Variants in TRIM5 observed in about 807,000 individuals in gnomAD.
TRIM5 encodes the protein tripartite motif-containing protein 5.
Under a neutral mutation model 35.6 loss-of-function variants are expected in TRIM5, and 31 were observed. The observed-to-expected ratio is 0.87, with a 90% CI of 0.65 to 1.18. The LOEUF (loss-of-function observed/expected upper bound fraction) is 1.18. Among genes scored for constraint, TRIM5 ranks in the 50% most tolerant of loss-of-function variants. The probability of loss-of-function intolerance (pLI) is 0.00; values close to 1 mark genes in which losing one functional copy is unlikely to be tolerated. For missense variants in TRIM5, 609 were observed against 591.6 expected (o/e 1.03, Z -0.31); for synonymous variants, 243 against 215.6 (o/e 1.13, Z -1.11).
intron 4 of TRIM5, among the ~76,000 whole-genome samples, chr11:5,676,119 G>A (rs1851961615): frequency 6.7e-6 from 1 of 148,774 alleles, no homozygotes; most frequent in Admixed American, 6.8e-5. Flanking sequence ...CATTTGGGTT[G>A]GTTCCAAGTC....
chr11:5,597,734 G>C, the TRIM5 span, among the ~76,000 whole-genome samples: 1 of 152,084 alleles, frequency 6.6e-6, no homozygotes, highest in African/African-American at 2.4e-5. Flanking sequence ...TATTCTGAAA[G>C]CCATTTTGAT....
the TRIM5 span, among the ~76,000 whole-genome samples, chr11:5,657,716 ATATAT>A: frequency 1.5e-5 from 2 of 132,552 alleles, no homozygotes; most frequent in Admixed American, 8.7e-5. Flanking sequence ...AAATATATAT[ATATAT>A]TATATTGTAT....
the TRIM5 span, among the ~76,000 whole-genome samples, chr11:5,602,224 A>G: frequency 6.6e-6 from 1 of 151,922 alleles, no homozygotes; most frequent in Admixed American, 6.5e-5. Flanking sequence ...GCGGATCATG[A>G]GGTCAGGAGA....
At chr11:5,590,635 G>T in the TRIM5 span, 1 of 152,094 alleles carries the variant, frequency 6.6e-6, no homozygotes, top group African/African-American at 2.4e-5. Flanking sequence ...CAGACCACTG[G>T]GCTCTACCAA....
intron 1 of TRIM5, among the ~76,000 whole-genome samples, chr11:5,682,977 C>A (rs529336820): frequency 6.6e-6 from 1 of 152,184 alleles, no homozygotes; most frequent in Non-Finnish European, 1.5e-5. Context: ...CGGGGCTGCG[C>A]GCCGCGCTTG....
chr11:5,632,568 G>C, the TRIM5 span: 5 of 1,613,870 alleles, frequency 3.1e-6, no homozygotes, highest in African/African-American at 5.3e-5. Context: ...ACATAGTGGA[G>C]AGACTCAAGG....
At chr11:5,634,516 CACACACACACACACAT>C in the TRIM5 span, 116 of 574,186 alleles carry the variant, frequency 2.0e-4, no homozygotes, top group Non-Finnish European at 2.5e-4. Flanking sequence ...CACACACACA[CACACACACACACACAT>C]ATATATATAT....
intron 4 of TRIM5, among the ~76,000 whole-genome samples, chr11:5,669,124 G>A (rs1480344379): frequency 1.4e-5 from 2 of 144,282 alleles, no homozygotes; most frequent in African/African-American, 5.3e-5. Flanking sequence ...TCGTTTCCCA[G>A]GCTGCAGTGC....
chr11:5,617,482 C>G, the TRIM5 span, among the ~76,000 whole-genome samples: 7 of 126,998 alleles, frequency 5.5e-5, no homozygotes, highest in African/African-American at 1.9e-4. Context: ...TATATGGACT[C>G]AATCTTTTTT....
the TRIM5 span, chr11:5,619,688 A>ATTTTTTT: frequency 9.8e-4 from 65 of 66,028 alleles, no homozygotes; most frequent in African/African-American, 1.7e-3. Context: ...CCTGTTTTAA[A>ATTTTTTT]TTTTTTTTTT....
chr11:5,639,810 C>T, the TRIM5 span, among the ~76,000 whole-genome samples: 1 of 149,500 alleles, frequency 6.7e-6, no homozygotes, highest in African/African-American at 2.5e-5. Flanking sequence ...TATTTTCTTT[C>T]CAATATAGAA....
At chr11:5,640,767 A>G in the TRIM5 span, among the ~76,000 whole-genome samples, 1 of 152,164 alleles carries the variant, frequency 6.6e-6, no homozygotes, top group Non-Finnish European at 1.5e-5. Flanking sequence ...CAGTGAAGCC[A>G]TCTGGGTGAG....
At chr11:5,598,003 C>G in the TRIM5 span, among the ~76,000 whole-genome samples, 1 of 152,198 alleles carries the variant, frequency 6.6e-6, no homozygotes, top group East Asian at 1.9e-4. Flanking sequence ...TGCAGTGTTG[C>G]TAGTTAGCAG....
At chr11:5,629,392 C>A in the TRIM5 span, among the ~76,000 whole-genome samples, 1 of 152,148 alleles carries the variant, frequency 6.6e-6, no homozygotes, top group Non-Finnish European at 1.5e-5. Context: ...TTCACATTCA[C>A]ATAAGTGAAC....
chr11:5,613,534 G>A, the TRIM5 span, among the ~76,000 whole-genome samples: 1 of 152,318 alleles, frequency 6.6e-6, no homozygotes, highest in East Asian at 1.9e-4. Context: ...AATTGGAAGA[G>A]ATATAAAAGG....
downstream of TRIM5, chr11:5,663,059 A>G (rs567493717): frequency 1.5e-4 from 30 of 200,114 alleles, 1 homozygote; most frequent in South Asian, 4.9e-3. Flanking sequence ...CTGGAGATGG[A>G]GGTTGCAGTG....
chr11:5,625,376 TTC>T, the TRIM5 span, among the ~76,000 whole-genome samples: 5 of 152,050 alleles, frequency 3.3e-5, no homozygotes, highest in Admixed American at 6.5e-5. Context: ...AAGGAAACAA[TTC>T]TCTCTCTCTC....
At position 5,664,380 on chromosome 11, in the gene TRIM5, T is replaced by A. The variant is rs1850969672; in HGVS notation, c.*429A>T. The stretch of plus-strand genomic sequence containing the variant: ...TGATATTTTCTCTTTAACTCACAAA[T>A]AAGGGCATCGAGGGTAAACTGACAC... On this transcript the variant is annotated 3_prime_UTR_variant, in exon 8 of 8. Transcript: ENST00000380034. The A allele has an allele frequency of 1.0e-6, 1 of 995,010 alleles. No individual in the cohort carries two copies. 61.6% of individuals were successfully genotyped at this position (995,010 alleles called of 1,614,324 possible).
chr11:5,603,576 T>C, the TRIM5 span: 1 of 1,613,912 alleles, frequency 6.2e-7, no homozygotes, highest in South Asian at 1.1e-5. Flanking sequence ...TGTTGGGCCC[T>C]GGGAAGCAGC....
Sources: gnomAD v4.1 joint callset for allele counts (sites outside exome capture counted in the v4.1 genomes callset) on GRCh38, gnomAD v4.1.1 for gene constraint, MANE v1.5 for transcripts, NCBI Gene and HGNC (gene_info 2026-07-23, HGNC 2026-07-21) for gene names.